PRMT8: variants seen among roughly 807,000 people sequenced by gnomAD.
The protein encoded by PRMT8 is protein arginine methyltransferase 8.
PRMT8 carries 7 observed loss-of-function variants against 47.1 expected under a neutral mutation model. That is an observed-to-expected ratio of 0.15 (90% CI 0.08 to 0.28). The LOEUF (loss-of-function observed/expected upper bound fraction) is 0.28. Ranked by LOEUF, PRMT8 falls within the 10% of genes least tolerant of loss-of-function variation. The pLI is 1.00. For missense variants in PRMT8, 237 were observed against 505.4 expected, an observed-to-expected ratio of 0.47 and a Z score of 5.09; for synonymous variants, 188 against 186.5, an observed-to-expected ratio of 1.01 and a Z score of -0.07.
intron 1 of PRMT8, among the ~76,000 whole-genome samples, chr12:3,485,992 T>C (rs1257535427): frequency 6.6e-6 from 1 of 152,206 alleles, no homozygotes; most frequent in African/African-American, 2.4e-5. Context: ...TCAGGTCGGG[T>C]TGCCCTGACG....
chr12:3,494,718 C>T lies in PRMT8; in HGVS notation c.75+3018C>T, dbSNP rs185790711. On this transcript the variant is annotated intron_variant, in intron 1 of 9. Transcript: ENST00000382622. ...AAACTACTTACATTTTGACCAAAGC[C>T]TCCCTCCACAAAGCGAAGTACCCAG... Among the ~76,000 whole-genome samples, 354 of 152,336 alleles carry T rather than the reference C, an allele frequency of 2.3e-3. 3 individuals are homozygous for T. The highest frequency in any genetic ancestry group is 8.0e-3 in the African/African-American group (334 of 41,572).
intron 1 of PRMT8, among the ~76,000 whole-genome samples, chr12:3,484,849 C>CT (rs2137104221): frequency 6.6e-6 from 1 of 152,284 alleles, no homozygotes; most frequent in African/African-American, 2.4e-5. Flanking sequence ...ACAGGCAAGT[C>CT]TGAATACAGA....
chr12:3,401,562 T>C (rs1318199782), intron 1 of PRMT8, among the ~76,000 whole-genome samples: 1 of 152,174 alleles, frequency 6.6e-6, no homozygotes, highest in Non-Finnish European at 1.5e-5. Context: ...AACATGATCC[T>C]ATATCTAGAA....
intron 4 of PRMT8, among the ~76,000 whole-genome samples, chr12:3,555,508 G>C (rs911985472): frequency 1.3e-5 from 2 of 152,194 alleles, no homozygotes; most frequent in African/African-American, 4.8e-5. Context: ...CAGAGAGGGA[G>C]GAGGGGACCA....
intron 2 of PRMT8, among the ~76,000 whole-genome samples, chr12:3,548,402 G>A (rs187813068): frequency 2.8e-4 from 43 of 152,238 alleles, no homozygotes; most frequent in African/African-American, 1.0e-3. Flanking sequence ...ATCACAGATT[G>A]GGAGAAGACA....
In PRMT8 at chr12:3,558,326, G is replaced by A. The variant is rs766564902; in HGVS notation, c.481+4612G>A. Among the ~76,000 whole-genome samples the A allele has an allele frequency of 3.3e-5, 5 of 151,838 alleles. No homozygotes were observed. In the South Asian group the frequency reaches 6.2e-4, roughly 19 times the overall value. On this transcript the variant is annotated intron_variant, in intron 4 of 9. Coordinates refer to ENST00000382622, the MANE Select transcript of PRMT8 (RefSeq NM_019854.5). ...ATACAGAAAAGGTGCGCACACAGCCGGGTTTTTATGGAATCCTTTGAGAGT... is the reference window on the plus strand; with the variant it reads ...ATACAGAAAAGGTGCGCACACAGCCAGGTTTTTATGGAATCCTTTGAGAGT...
chr12:3,567,830 T>C (rs1337053579), intron 4 of PRMT8, among the ~76,000 whole-genome samples: 3 of 152,176 alleles, frequency 2.0e-5, no homozygotes, highest in Non-Finnish European at 4.4e-5. Context: ...TCCCAGCACT[T>C]TGGGAGGCCG....
At chr12:3,392,831 G>A (rs997559227) in intron 1 of PRMT8, among the ~76,000 whole-genome samples, 2 of 152,046 alleles carry the variant, frequency 1.3e-5, no homozygotes, top group African/African-American at 2.4e-5. Context: ...CCCACCAACA[G>A]TGTAAAAGTG....
At chr12:3,565,702 GTCTA>G (rs1034447700) in intron 4 of PRMT8, among the ~76,000 whole-genome samples, 11 of 152,088 alleles carry the variant, frequency 7.2e-5, no homozygotes, top group African/African-American at 2.4e-4. Context: ...TATATCGTCT[GTCTA>G]TCTATCAATC....
intron 7 of PRMT8, among the ~76,000 whole-genome samples, chr12:3,577,584 C>G (rs1432041920): frequency 3.3e-5 from 5 of 152,228 alleles, no homozygotes; most frequent in Non-Finnish European, 7.3e-5. Flanking sequence ...TGTGTCCAAC[C>G]TGCATCCTCT....
chr12:3,433,681 G>A (rs970517426), intron 1 of PRMT8, among the ~76,000 whole-genome samples: 19 of 152,196 alleles, frequency 1.2e-4, no homozygotes, highest in South Asian at 4.2e-4. Context: ...GCGCGATCTC[G>A]GCTCACTGCA....
intron 1 of PRMT8, among the ~76,000 whole-genome samples, chr12:3,400,061 G>A (rs1864301917): frequency 6.6e-6 from 1 of 152,058 alleles, no homozygotes; most frequent in Non-Finnish European, 1.5e-5. Context: ...TGAAAAGCTA[G>A]AAAGATCTCA....
intron 1 of PRMT8, among the ~76,000 whole-genome samples, chr12:3,494,401 GAC>G (rs137900999): frequency 2.0e-3 from 300 of 152,244 alleles, no homozygotes; most frequent in Non-Finnish European, 3.7e-3. Flanking sequence ...TATAGTTGAG[GAC>G]ACCGAGGCTG....
In PRMT8 at chr12:3,387,141, A is replaced by G. The variant is rs117841766; in HGVS notation, c.48+5699A>G. Among the ~76,000 whole-genome samples the G allele has an allele frequency of 3.3e-3, 507 of 152,340 alleles. 4 individuals carry two copies. The highest frequency in any genetic ancestry group is 0.014 in the Middle Eastern group (4 of 294). On this transcript the variant is annotated intron_variant, in intron 1 of 9. Transcript: ENST00000452611. ...GAAGGTGGAGGAAAGCATGCGGTCAATGTATGTAGAATTGCACTATACATG... is the reference window on the plus strand; with the variant it reads ...GAAGGTGGAGGAAAGCATGCGGTCAGTGTATGTAGAATTGCACTATACATG...
intron 1 of PRMT8, among the ~76,000 whole-genome samples, chr12:3,442,424 C>G (rs1864812877): frequency 1.3e-5 from 2 of 152,116 alleles, no homozygotes; most frequent in Non-Finnish European, 2.9e-5. Context: ...AAAAGGGGAG[C>G]TGGCTGGGGC....
chr12:3,552,986 C>A lies in PRMT8; in HGVS notation c.418-665C>A. The A allele has an allele frequency of 3.1e-6, 1 of 322,322 alleles. No individual in the cohort carries two copies. The highest frequency in any genetic ancestry group is 2.5e-5 in the South Asian group (1 of 40,456). 20.0% of individuals were successfully genotyped at this position (322,322 alleles called of 1,614,324 possible). On this transcript the variant is annotated intron_variant, in intron 3 of 9. Coordinates refer to ENST00000382622, the MANE Select transcript of PRMT8 (RefSeq NM_019854.5). This position sits in a 1 kb window ranked among gnomAD's most constrained non-coding sequence, Gnocchi z 4.5. ...CCCTGGGCTGGAGCTTGGCTTCCAA[C>A]CATTCCCATGAGGGCCTGCTCTCAG...
intron 1 of PRMT8, among the ~76,000 whole-genome samples, chr12:3,401,619 T>A (rs754335971): frequency 3.9e-5 from 6 of 152,188 alleles, no homozygotes; most frequent in Admixed American, 6.5e-5. Flanking sequence ...ATAAGCAACT[T>A]CAGTGGAGTC....
chr12:3,386,096 G>A (rs141324136), intron 1 of PRMT8, among the ~76,000 whole-genome samples: 1 of 152,252 alleles, frequency 6.6e-6, no homozygotes, highest in East Asian at 1.9e-4. Context: ...TTTTGCTTTT[G>A]TAGCTCAGAA....
chr12:3,450,776 C>G (rs547908260), intron 1 of PRMT8, among the ~76,000 whole-genome samples: 2 of 152,258 alleles, frequency 1.3e-5, no homozygotes. Flanking sequence ...AAGTGTACTC[C>G]AAAGTTGAGA....
Sources: gnomAD v4.1 joint callset for allele counts (sites outside exome capture counted in the v4.1 genomes callset) on GRCh38, gnomAD v4.1.1 for gene constraint, Gnocchi (gnomAD v3.1) non-coding constraint, MANE v1.5 for transcripts, NCBI Gene and HGNC (gene_info 2026-07-23, HGNC 2026-07-21) for gene names.